Variants in NAPB observed in about 807,000 individuals in gnomAD.
NAPB encodes beta-soluble NSF attachment protein.
In NAPB, 26 loss-of-function variants were observed where a neutral mutation model predicts 44.7. The observed-to-expected ratio is 0.58, with a 90% CI of 0.43 to 0.81. NAPB has a LOEUF of 0.81. Among genes scored for constraint, NAPB ranks in the 30% least tolerant of loss-of-function variants. The pLI is 0.00. For synonymous variants in NAPB, 120 were observed against 116.8 expected (o/e 1.03, Z -0.18); for missense variants, 315 against 356.4 (o/e 0.88, Z 0.94).
At chr20:23,398,367 T>C (rs1455686850) in intron 2 of NAPB, among the ~76,000 whole-genome samples, 1 of 151,918 alleles carries the variant, frequency 6.6e-6, no homozygotes, top group Non-Finnish European at 1.5e-5. Flanking sequence ...GGAAAAAAAA[T>C]CCAATTCTTT....
intron 7 of NAPB, among the ~76,000 whole-genome samples, chr20:23,386,934 T>C (rs955308266): frequency 4.6e-5 from 7 of 152,188 alleles, no homozygotes; most frequent in African/African-American, 1.7e-4. Flanking sequence ...AAGTTTGCAA[T>C]GACCAAGTAG....
intron 1 of NAPB, among the ~76,000 whole-genome samples, chr20:23,408,383 G>A (rs1985409285): frequency 6.6e-6 from 1 of 152,186 alleles, no homozygotes; most frequent in African/African-American, 2.4e-5. Flanking sequence ...TGTCTGGATG[G>A]AACAAACTGT....
At chr20:23,411,149 TCA>T (rs1985627383) in intron 1 of NAPB, among the ~76,000 whole-genome samples, 1 of 152,190 alleles carries the variant, frequency 6.6e-6, no homozygotes, top group African/African-American at 2.4e-5. Flanking sequence ...AAACCCATTT[TCA>T]CAATCTGAGA....
intron 1 of NAPB, among the ~76,000 whole-genome samples, chr20:23,403,600 T>A (rs1387424776): frequency 1.4e-5 from 1 of 72,784 alleles, no homozygotes; most frequent in Non-Finnish European, 3.1e-5. Flanking sequence ...CAAAACTATG[T>A]CTCAAAAAAA....
Position 23,383,232 on chromosome 20 carries a change from AC to A in NAPB, c.562-1916del, listed in dbSNP as rs1189709709. Among the ~76,000 whole-genome samples, 6 of 152,176 alleles carry A rather than the reference AC, an allele frequency of 3.9e-5. No homozygotes were observed. The South Asian group carries it at 8.3e-4, about 21-fold the overall frequency. ...AACTGCTAAATGATTCTCAAATTTG[AC>A]AAGAAACATAAACCTACAGATTCTG... On this transcript the variant is annotated intron_variant, in intron 7 of 10. Coordinates refer to ENST00000377026, the MANE Select transcript of NAPB (RefSeq NM_022080.3).
At chr20:23,389,759 G>A (rs2123168836) in intron 7 of NAPB, among the ~76,000 whole-genome samples, 187 bp downstream of exon 7, 1 of 152,332 alleles carries the variant, frequency 6.6e-6, no homozygotes, top group South Asian at 2.1e-4. Context: ...TTCTTTTGGG[G>A]ATGATTAAAA....
rs926564817 is a variant in NAPB at position 23,377,145 on chromosome 20, C to T, written c.*231G>A. On this transcript the variant is annotated 3_prime_UTR_variant, in exon 11 of 11. Coordinates refer to ENST00000377026, the MANE Select transcript of NAPB (RefSeq NM_022080.3). ...AGATTCTGAAGTACTTCTCAGAAAA[C>T]GCTGGGGGTTCTGATAAGCATGAAA... 3 of 303,512 alleles carry T rather than the reference C, an allele frequency of 9.9e-6. No individual in the cohort carries two copies. Among genetic ancestry groups the T allele is most frequent in the East Asian group, 5.2e-5 (1 of 19,294 alleles). 18.8% of individuals were successfully genotyped at this position (303,512 alleles called of 1,614,324 possible).
chr20:23,406,975 A>T (rs1443238956), intron 1 of NAPB, among the ~76,000 whole-genome samples: 1 of 152,216 alleles, frequency 6.6e-6, no homozygotes, highest in Non-Finnish European at 1.5e-5. Context: ...ACCATGAAAG[A>T]CACTATCTCT....
At chr20:23,385,110 C>T (rs2123148760) in intron 7 of NAPB, among the ~76,000 whole-genome samples, 1 of 148,248 alleles carries the variant, frequency 6.7e-6, no homozygotes, top group South Asian at 2.2e-4. Flanking sequence ...CAGAGCAAGA[C>T]TCTGTCTCAA....
chr20:23,412,771 G>A (rs953889259), intron 1 of NAPB, among the ~76,000 whole-genome samples: 1 of 152,198 alleles, frequency 6.6e-6, no homozygotes, highest in East Asian at 1.9e-4. Flanking sequence ...CAAGGCAATT[G>A]GATCGTTTGA....
intron 1 of NAPB, among the ~76,000 whole-genome samples, chr20:23,406,795 T>C (rs957812504): frequency 6.6e-6 from 1 of 152,256 alleles, no homozygotes; most frequent in Non-Finnish European, 1.5e-5. Context: ...ACTGTAATTA[T>C]AGTTCAATCA....
At chr20:23,398,891 G>T (rs6083114) in intron 2 of NAPB, among the ~76,000 whole-genome samples, 74,250 of 133,094 alleles carry the variant, frequency 0.56, 22,265 homozygotes, top group East Asian at 0.88. Flanking sequence ...AGAGACAGGT[G>T]CTATGTTGCC....
At chr20:23,393,115 C>A (rs753466814) in intron 5 of NAPB, among the ~76,000 whole-genome samples, 25 of 152,064 alleles carry the variant, frequency 1.6e-4, no homozygotes, top group Admixed American at 5.2e-4. Flanking sequence ...CCAGCCACAC[C>A]AGATCCATCT....
chr20:23,412,346 T>C (rs1368989037), intron 1 of NAPB, among the ~76,000 whole-genome samples: 2 of 152,154 alleles, frequency 1.3e-5, no homozygotes. Flanking sequence ...TCTTACATAA[T>C]ACAGTCCTAA....
At chr20:23,413,915 A>G (rs1441398268) in intron 1 of NAPB, among the ~76,000 whole-genome samples, 1 of 152,122 alleles carries the variant, frequency 6.6e-6, no homozygotes, top group South Asian at 2.1e-4. Context: ...AAAAAAAAAG[A>G]AAAACATCCA....
intron 1 of NAPB, among the ~76,000 whole-genome samples, chr20:23,419,884 G>A (rs994219339): frequency 6.6e-6 from 1 of 152,286 alleles, no homozygotes; most frequent in East Asian, 1.9e-4. Context: ...TTGTCCTTAA[G>A]CATTTCCTAA....
intron 2 of NAPB, among the ~76,000 whole-genome samples, chr20:23,400,347 T>A (rs990315608): frequency 6.6e-6 from 1 of 152,004 alleles, no homozygotes; most frequent in African/African-American, 2.4e-5. Context: ...AGAAACCCCA[T>A]CTCTACTAAA....
At chr20:23,397,316 A>C (rs1984441241) in intron 2 of NAPB, 128 bp from the exon 3 acceptor site, 1 of 1,191,078 alleles carries the variant, frequency 8.4e-7, no homozygotes, top group Admixed American at 2.9e-5. Context: ...AGAAGCAAAA[A>C]TCCATGTGGT....
chr20:23,378,815 A>ATTTTTTTTTTTTTTTTT (rs151308263), intron 10 of NAPB: 2 of 125,500 alleles, frequency 1.6e-5, no homozygotes, highest in Admixed American at 8.3e-5. Context: ...ATTATATTTA[A>ATTTTTTTTTTTTTTTTT]TTTTTTTTTT....
Sources: gnomAD v4.1 joint callset for allele counts (sites outside exome capture counted in the v4.1 genomes callset) on GRCh38, gnomAD v4.1.1 for gene constraint, MANE v1.5 for transcripts, NCBI Gene and HGNC (gene_info 2026-07-23, HGNC 2026-07-21) for gene names.